The following PAFAH1B2 variants were observed in gnomAD, a reference collection of about 807,000 sequenced individuals.
PAFAH1B2 encodes platelet activating factor acetylhydrolase 1b catalytic subunit 2, also known as platelet-activating factor acetylhydrolase IB subunit alpha2.
Under a neutral mutation model 28.0 loss-of-function variants are expected in PAFAH1B2, and 8 were observed. That is an observed-to-expected ratio of 0.29 (90% CI 0.17 to 0.52). PAFAH1B2 has a LOEUF of 0.52. Among genes scored for constraint, PAFAH1B2 ranks in the 20% least tolerant of loss-of-function variants. The probability of loss-of-function intolerance (pLI) is 0.97; values close to 1 mark genes in which losing one functional copy is unlikely to be tolerated. For synonymous variants in PAFAH1B2, 104 were observed against 103.2 expected, an observed-to-expected ratio of 1.01 and a Z score of -0.05; for missense variants, 190 against 282.6, an observed-to-expected ratio of 0.67 and a Z score of 2.35.
At chr11:117,171,181 A>T, downstream of PAFAH1B2, 1 of 531,728 alleles carries the variant, frequency 1.9e-6, no homozygotes, top group Non-Finnish European at 2.5e-6. Flanking sequence ...TGAATGCACC[A>T]GGCTGACTCA....
chr11:117,165,118 G>T (rs112545791), intron 5 of PAFAH1B2, among the ~76,000 whole-genome samples: 3 of 150,710 alleles, frequency 2.0e-5, no homozygotes, highest in Non-Finnish European at 4.4e-5. Context: ...ACCACACCCG[G>T]CTAATTTTTT....
At chr11:117,172,551 A>G (rs1323334871), downstream of PAFAH1B2, among the ~76,000 whole-genome samples, 1 of 151,790 alleles carries the variant, frequency 6.6e-6, no homozygotes, top group African/African-American at 2.4e-5. Flanking sequence ...GTAACATCTA[A>G]CAGTCTCCAT....
chr11:117,172,936 C>T (rs988636858), downstream of PAFAH1B2, among the ~76,000 whole-genome samples: 4 of 152,250 alleles, frequency 2.6e-5, no homozygotes, highest in African/African-American at 9.6e-5. Flanking sequence ...TTCCTGGCCT[C>T]AGGCAATCGG....
chr11:117,156,282 C>T (rs1355226761), intron 2 of PAFAH1B2, among the ~76,000 whole-genome samples: 5 of 152,146 alleles, frequency 3.3e-5, no homozygotes, highest in Non-Finnish European at 2.9e-5. Flanking sequence ...GCAACTATAA[C>T]GGCTACCATT....
At position 117,170,092 on chromosome 11, in the gene PAFAH1B2, A is replaced by T. The variant is rs1565276561; in HGVS notation, c.*2393A>T. On this transcript the variant is annotated 3_prime_UTR_variant, in exon 6 of 6. Coordinates refer to ENST00000527958, the MANE Select transcript of PAFAH1B2 (RefSeq NM_002572.4). Reference sequence around the variant, plus strand: ...ATGTGCAGATATTGAGTTCACTTTCATTTTTTGCCAGATTTCTTTGCACTA... The same window carrying T: ...ATGTGCAGATATTGAGTTCACTTTCTTTTTTTGCCAGATTTCTTTGCACTA... 1.5e-5 allele frequency: 16 copies of T among 1,055,388 alleles called. No homozygotes were observed. Among genetic ancestry groups the T allele is most frequent in the Non-Finnish European group, 1.8e-5 (16 of 873,350 alleles). 65.4% of individuals were successfully genotyped at this position (1,055,388 alleles called of 1,614,324 possible).
intron 2 of PAFAH1B2, 103 bp from the exon 3 acceptor site, chr11:117,159,831 T>C (rs949816134): frequency 1.1e-5 from 8 of 755,616 alleles, no homozygotes; most frequent in Non-Finnish European, 1.4e-5. Context: ...CCTCAAGTTA[T>C]TCTCCTGTCC....
At chr11:117,171,785 A>G, downstream of PAFAH1B2, 1 of 1,491,418 alleles carries the variant, frequency 6.7e-7, no homozygotes, top group Middle Eastern at 1.7e-4. Context: ...TTGGCAGCTA[A>G]AAGTTTCTGT....
downstream of PAFAH1B2, chr11:117,174,800 A>G (rs1956744456): frequency 2.7e-6 from 2 of 733,018 alleles, no homozygotes; most frequent in Non-Finnish European, 4.3e-6. Context: ...TTTTTAGTAG[A>G]GACGGGCTTT....
At chr11:117,146,974 C>CA (rs1015468011) in intron 1 of PAFAH1B2, among the ~76,000 whole-genome samples, 44 of 148,830 alleles carry the variant, frequency 3.0e-4, no homozygotes, top group Middle Eastern at 3.6e-3. Context: ...TCAAAAAAAA[C>CA]AAAAAAAAAG....
chr11:117,148,717 G>C (rs1956072191), intron 1 of PAFAH1B2, among the ~76,000 whole-genome samples: 1 of 152,152 alleles, frequency 6.6e-6, no homozygotes, highest in South Asian at 2.1e-4. Flanking sequence ...AAGCCTAGGA[G>C]TTTGAATCCA....
chr11:117,163,566 G>A (rs974129750), intron 4 of PAFAH1B2, among the ~76,000 whole-genome samples: 11 of 151,968 alleles, frequency 7.2e-5, no homozygotes, highest in East Asian at 1.9e-4. Flanking sequence ...CCAGCTACTC[G>A]GGAGGCTGAG....
downstream of PAFAH1B2, among the ~76,000 whole-genome samples, chr11:117,174,164 T>TTTTG (rs766588493): frequency 7.2e-6 from 1 of 138,808 alleles, no homozygotes; most frequent in East Asian, 2.2e-4. Flanking sequence ...TTCATGTCTT[T>TTTTG]TGTGTGTGTG....
intron 1 of PAFAH1B2, among the ~76,000 whole-genome samples, chr11:117,148,235 T>G (rs1376932948): frequency 6.6e-6 from 1 of 151,960 alleles, no homozygotes; most frequent in East Asian, 1.9e-4. Flanking sequence ...GTATTTTTAG[T>G]GGAGACAGGA....
At chr11:117,161,349 C>A in intron 4 of PAFAH1B2, 88 bp downstream of exon 4, 3 of 758,392 alleles carry the variant, frequency 4.0e-6, no homozygotes, top group Non-Finnish European at 4.2e-6. Context: ...AAAATTGCTT[C>A]TTTAAAGACC....
Position 117,167,993 on chromosome 11 carries a change from G to C in PAFAH1B2, c.*294G>C, listed in dbSNP as rs1183777359. The stretch of plus-strand genomic sequence containing the variant: ...ATTGAATTATTATCACTGTTTTCTT[G>C]GGACAACATCAAGCCTAAATACTGA... On this transcript the variant is annotated 3_prime_UTR_variant, in exon 6 of 6. Coordinates refer to ENST00000527958, the MANE Select transcript of PAFAH1B2 (RefSeq NM_002572.4). 7.4e-6 allele frequency: 8 copies of C among 1,083,728 alleles called. No homozygotes were observed. Among genetic ancestry groups the C allele is most frequent in the Non-Finnish European group, 9.0e-6 (8 of 892,284 alleles). 67.1% of individuals were successfully genotyped at this position (1,083,728 alleles called of 1,614,324 possible). A position where few individuals can be genotyped will look rare whatever the true frequency, so the allele number is the denominator to read the frequency against.
At chr11:117,177,744 A>G (rs2030064278), downstream of PAFAH1B2, among the ~76,000 whole-genome samples, 1 of 152,168 alleles carries the variant, frequency 6.6e-6, no homozygotes, top group Non-Finnish European at 1.5e-5. Flanking sequence ...CATGTTGGCC[A>G]TGGCTGGTCT....
intron 5 of PAFAH1B2, among the ~76,000 whole-genome samples, chr11:117,166,932 G>A (rs1956525201): frequency 6.6e-6 from 1 of 152,134 alleles, no homozygotes; most frequent in South Asian, 2.1e-4. Flanking sequence ...TAATCAGGAT[G>A]GAGACAAGAA....
intron 2 of PAFAH1B2, among the ~76,000 whole-genome samples, chr11:117,157,944 C>T (rs949455841): frequency 6.6e-6 from 1 of 151,952 alleles, no homozygotes; most frequent in African/African-American, 2.4e-5. Context: ...TCGAGACCAG[C>T]CTGACCAACA....
chr11:117,164,836 C>G (rs2134208952), intron 5 of PAFAH1B2, among the ~76,000 whole-genome samples: 1 of 151,990 alleles, frequency 6.6e-6, no homozygotes, highest in Middle Eastern at 3.4e-3. Flanking sequence ...GATTTCAAGA[C>G]CAGCCTGGCC....
Sources: allele counts gnomAD v4.1 joint callset (sites outside exome capture counted in the v4.1 genomes callset), GRCh38; gene constraint gnomAD v4.1.1; transcripts MANE v1.5; gene names NCBI Gene and HGNC (gene_info 2026-07-23, HGNC 2026-07-21).